Variants in ANO3 observed in about 807,000 individuals in gnomAD.
The protein encoded by ANO3 is anoctamin 3.
In ANO3, 99 loss-of-function variants were observed where a neutral mutation model predicts 144.8. That is an observed-to-expected ratio of 0.68 (90% confidence interval 0.58 to 0.81). The LOEUF is 0.81. Ranked by LOEUF, ANO3 falls within the 30% of genes least tolerant of loss-of-function variation. The pLI, the probability that ANO3 is intolerant of heterozygous loss-of-function variation, is 0.00. For synonymous variants in ANO3, 414 were observed against 392.6 expected (o/e 1.05, Z -0.64); for missense variants, 905 against 1,202.2 (o/e 0.75, Z 3.66).
intron 1 of ANO3, among the ~76,000 whole-genome samples, chr11:26,317,209 G>T (rs1854646528): frequency 6.6e-6 from 1 of 151,936 alleles, no homozygotes; most frequent in Admixed American, 6.6e-5. Context: ...GAGATAAGTT[G>T]TTACAGAGTT....
intron 4 of ANO3, among the ~76,000 whole-genome samples, chr11:26,465,329 A>G (rs1414497351): frequency 1.4e-5 from 2 of 142,208 alleles, no homozygotes; most frequent in African/African-American, 5.0e-5. Context: ...GTTAAATTAT[A>G]TGGCTGAAGA....
chr11:26,223,394 A>G (rs943608622), intron 1 of ANO3, among the ~76,000 whole-genome samples: 2 of 151,986 alleles, frequency 1.3e-5, no homozygotes, highest in African/African-American at 4.8e-5. Context: ...CTATATTTCT[A>G]TCAGCATTTT....
intron 1 of ANO3, among the ~76,000 whole-genome samples, chr11:26,359,526 A>C (rs1183872415): frequency 1.3e-5 from 2 of 152,210 alleles, no homozygotes; most frequent in East Asian, 3.8e-4. Context: ...TGACAACTTA[A>C]GGGGACCTTG....
intron 1 of ANO3, among the ~76,000 whole-genome samples, chr11:26,341,036 G>C (rs368744569): frequency 3.7e-4 from 57 of 152,118 alleles, no homozygotes; most frequent in African/African-American, 1.3e-3. Context: ...AACAAAGTTA[G>C]TTTCCTTCTC....
intron 14 of ANO3, among the ~76,000 whole-genome samples, chr11:26,579,135 C>A (rs1371635114): frequency 6.6e-6 from 1 of 152,150 alleles, no homozygotes; most frequent in Non-Finnish European, 1.5e-5. Context: ...AATATTATAA[C>A]TTATCTTACC....
At chr11:26,541,917 A>G (rs410036) in intron 10 of ANO3, 30 bp from the exon 11 acceptor site, 1 of 1,586,228 alleles carries the variant, frequency 6.3e-7, no homozygotes, top group Non-Finnish European at 8.6e-7. Context: ...AAAAAATAGA[A>G]CCAAATGTAT....
At chr11:26,215,808 G>C (rs59723314) in intron 1 of ANO3, among the ~76,000 whole-genome samples, 45,615 of 151,434 alleles carry the variant, frequency 0.3, 7,540 homozygotes, top group Non-Finnish European at 0.37. Flanking sequence ...TCCATTACCA[G>C]ATAGATCACT....
chr11:26,650,562 A>G (rs1853500233), intron 24 of ANO3, among the ~76,000 whole-genome samples: 1 of 152,206 alleles, frequency 6.6e-6, no homozygotes, highest in Non-Finnish European at 1.5e-5. Flanking sequence ...AGTTTTGCAT[A>G]ACTAAAGGCA....
chr11:26,426,979 T>A (rs1335375687), intron 1 of ANO3: 2 of 152,310 alleles, frequency 1.3e-5, no homozygotes, highest in Non-Finnish European at 2.9e-5. Flanking sequence ...GTATGTGAAC[T>A]GAAGAAATAA....
At chr11:26,464,457 C>T (rs1203030113) in intron 4 of ANO3, among the ~76,000 whole-genome samples, 4 of 151,874 alleles carry the variant, frequency 2.6e-5, no homozygotes, top group South Asian at 2.1e-4. Context: ...GGAAGACAAA[C>T]ACAATATGCT....
At position 26,566,785 on chromosome 11, in the gene ANO3, T is replaced by A. The variant is rs1850604362; in HGVS notation, c.1447+7006T>A. ...ATAGGAAAATGTTTTGAAATCAGATTTATATTAAAATTCTGGCTTCTGACA... is the reference window on the plus strand; with the variant it reads ...ATAGGAAAATGTTTTGAAATCAGATATATATTAAAATTCTGGCTTCTGACA... On this transcript the variant is annotated intron_variant, in intron 14 of 26. Transcript: ENST00000256737. 2.9e-5 allele frequency among the ~76,000 whole-genome samples: 4 copies of A among 137,280 alleles called. No homozygotes were observed. The Admixed American group carries it at 3.2e-4, about 11-fold the overall frequency. The allele number at this position is 137,280 out of a possible 152,430, so 90.1% of individuals were successfully genotyped here.
At chr11:26,303,042 A>G (rs1178859022) in intron 1 of ANO3, among the ~76,000 whole-genome samples, 1 of 152,236 alleles carries the variant, frequency 6.6e-6, no homozygotes, top group African/African-American at 2.4e-5. Context: ...TAAAACAATA[A>G]CAAATGCTAG....
chr11:26,331,602 T>A (rs543790042), upstream of ANO3: 3 of 152,308 alleles, frequency 2.0e-5, no homozygotes, highest in African/African-American at 7.2e-5. Context: ...TTATAAATGG[T>A]CCTCAGTCAT....
chr11:26,246,165 G>T (rs915737553), intron 1 of ANO3, among the ~76,000 whole-genome samples: 1 of 152,080 alleles, frequency 6.6e-6, no homozygotes, highest in Non-Finnish European at 1.5e-5. Flanking sequence ...GTATTTGTGG[G>T]TATCTCTTTC....
intron 3 of ANO3, among the ~76,000 whole-genome samples, chr11:26,449,826 G>A (rs534662448): frequency 3.0e-4 from 46 of 151,580 alleles, no homozygotes; most frequent in Middle Eastern, 3.4e-3. Context: ...GCACGATCTC[G>A]GCTCACTGCA....
intron 1 of ANO3, among the ~76,000 whole-genome samples, chr11:26,310,580 C>T (rs1356055638): frequency 1.3e-5 from 2 of 152,274 alleles, no homozygotes; most frequent in Non-Finnish European, 2.9e-5. Context: ...ATGACTGACT[C>T]GCCTTGCCTT....
intron 1 of ANO3, among the ~76,000 whole-genome samples, chr11:26,194,444 G>GTGTGTGTGTGTGTGTGTGTA (rs1564911947): frequency 2.2e-5 from 2 of 92,252 alleles, no homozygotes; most frequent in East Asian, 5.0e-4. Context: ...ATAGTGGTGT[G>GTGTGTGTGTGTGTGTGTGTA]TGTGTGTGTG....
intron 4 of ANO3, among the ~76,000 whole-genome samples, chr11:26,505,525 T>C (rs1170433802): frequency 6.6e-6 from 1 of 152,134 alleles, no homozygotes; most frequent in African/African-American, 2.4e-5. Flanking sequence ...AAAGGCAAGA[T>C]AACCAGTGAA....
chr11:26,591,887 G>C (rs1158407617), intron 14 of ANO3, among the ~76,000 whole-genome samples: 1 of 152,106 alleles, frequency 6.6e-6, no homozygotes, highest in Non-Finnish European at 1.5e-5. Context: ...ATGTATCCAA[G>C]ACTCCACTCC....
Sources: gnomAD v4.1 joint callset for allele counts (sites outside exome capture counted in the v4.1 genomes callset) on GRCh38, gnomAD v4.1.1 for gene constraint, MANE v1.5 for transcripts, NCBI Gene and HGNC (gene_info 2026-07-23, HGNC 2026-07-21) for gene names.